The following MYO5A variants were observed in gnomAD, a reference collection of about 807,000 sequenced individuals.
MYO5A encodes the protein unconventional myosin-Va.
In MYO5A, 98 loss-of-function variants were observed where a neutral mutation model predicts 249.7. The ratio of observed to expected loss-of-function variants is 0.39; its 90% confidence interval spans 0.33 to 0.46. MYO5A has a LOEUF of 0.46. Ranked by LOEUF, MYO5A falls within the 20% of genes least tolerant of loss-of-function variation. The pLI, the probability that MYO5A is intolerant of heterozygous loss-of-function variation, is 0.98. For synonymous variants in MYO5A, 778 were observed against 810.6 expected, an observed-to-expected ratio of 0.96 and a Z score of 0.68; for missense variants, 1,696 against 2,308.8, an observed-to-expected ratio of 0.73 and a Z score of 5.44.
chr15:52,405,623 C>T (rs1357150739), intron 8 of MYO5A, among the ~76,000 whole-genome samples: 1 of 152,168 alleles, frequency 6.6e-6, no homozygotes, highest in Non-Finnish European at 1.5e-5. Flanking sequence ...TGGCTTGAGA[C>T]CTGGCTCTGC....
At chr15:52,426,007 G>T in intron 3 of MYO5A, 33 bp from the exon 4 acceptor site, 2 of 1,590,582 alleles carry the variant, frequency 1.3e-6, no homozygotes, top group Non-Finnish European at 1.7e-6. Context: ...GAAAGAAAAA[G>T]AAGTCAATGA....
chr15:52,352,169 T>A (rs936044738), intron 27 of MYO5A, among the ~76,000 whole-genome samples: 3 of 152,184 alleles, frequency 2.0e-5, no homozygotes, highest in Non-Finnish European at 4.4e-5. Context: ...CACATCCTCA[T>A]CCCTCCAATA....
rs538964964 is a variant in MYO5A, at chr15:52,451,454, T to C, written c.28-18169A>G. On this transcript the variant is annotated intron_variant, in intron 1 of 41. Coordinates refer to ENST00000399233, the MANE Select transcript of MYO5A (RefSeq NM_001382347.1). ...TGAAATGGAAAAACAGGATGAAAAATGGAAAAATGATGTTTCATCTTTGCT... is the reference window on the plus strand; with the variant it reads ...TGAAATGGAAAAACAGGATGAAAAACGGAAAAATGATGTTTCATCTTTGCT... Among the ~76,000 whole-genome samples the C allele has an allele frequency of 2.0e-5, 3 of 152,272 alleles. No individual in the cohort carries two copies. In the South Asian group the frequency reaches 6.2e-4, roughly 32 times the overall value.
At chr15:52,436,970 T>C (rs1413768633) in intron 1 of MYO5A, among the ~76,000 whole-genome samples, 1 of 152,242 alleles carries the variant, frequency 6.6e-6, no homozygotes, top group African/African-American at 2.4e-5. Context: ...TCTTCTAGTT[T>C]ATTGCAAAGG....
intron 16 of MYO5A, among the ~76,000 whole-genome samples, chr15:52,382,436 T>C (rs2041794221): frequency 6.6e-6 from 1 of 152,016 alleles, no homozygotes; most frequent in South Asian, 2.1e-4. Flanking sequence ...TTGGGCATGA[T>C]GGTGCATGCC....
At chr15:52,389,651 T>C (rs952227637) in intron 12 of MYO5A, among the ~76,000 whole-genome samples, 1 of 152,082 alleles carries the variant, frequency 6.6e-6, no homozygotes, top group Admixed American at 6.6e-5. Context: ...GTTGTTGCTG[T>C]TTTTTAAAAA....
In MYO5A at chr15:52,372,266, A is replaced by G; in HGVS notation, c.2675T>C (p.Leu892Pro). Residue 892 changes from leucine (L) to proline (P), a missense_variant, in exon 21 of 42, where the codon CTT becomes CCT. Physicochemically the swap from Leu to Pro is moderately conservative, Grantham distance 98. Transcript: ENST00000399233. ...YKRSMHAIIY[L>P]QCCFRRMMAK... ...CATCATCCGCCTGAAGCAGCACTGAAGGTAGATGATGGCATGCATGCTCCT... is the reference window on the plus strand; with the variant it reads ...CATCATCCGCCTGAAGCAGCACTGAGGGTAGATGATGGCATGCATGCTCCT... The G allele has an allele frequency of 6.2e-7, 1 of 1,612,088 alleles. No individual in the cohort carries two copies. Among genetic ancestry groups the G allele is most frequent in the Non-Finnish European group, 8.5e-7 (1 of 1,180,018 alleles).
chr15:52,513,444 G>A (rs1299265524), intron 1 of MYO5A, among the ~76,000 whole-genome samples: 2 of 134,700 alleles, frequency 1.5e-5, no homozygotes, highest in Non-Finnish European at 1.6e-5. Context: ...AAAAAAAAAA[G>A]GCATAGTTTT....
chr15:52,385,178 G>A (rs1370463314), intron 14 of MYO5A, among the ~76,000 whole-genome samples: 1 of 152,166 alleles, frequency 6.6e-6, no homozygotes, highest in African/African-American at 2.4e-5. Context: ...CTTTACAACA[G>A]TGCCACATCC....
chr15:52,351,366 C>T lies in MYO5A; in HGVS notation c.3737G>A (p.Arg1246His), dbSNP rs772201102. Residue 1246 changes from arginine to histidine, a missense_variant, in exon 28 of 42, where the codon CGT becomes CAT. Transcript: ENST00000399233. ...AGAGGTCAGCTGCTCCATGAGGACA[C>T]GGTAGGCAGGTGCACCTGGGGCGGT... ...EVTAPGAPAY[R>H]VLMEQLTSVS... 2.3e-5 allele frequency: 37 copies of T among 1,614,036 alleles called. No individual in the cohort carries two copies. The highest frequency in any genetic ancestry group is 1.2e-4 in the African/African-American group (9 of 74,918).
intron 1 of MYO5A, among the ~76,000 whole-genome samples, chr15:52,448,368 G>T (rs183694796): frequency 7.9e-5 from 12 of 152,332 alleles, no homozygotes; most frequent in Non-Finnish European, 1.2e-4. Flanking sequence ...CTCCCATTTG[G>T]AAAGGGAGTA....
chr15:52,313,682 C>T lies in MYO5A; in HGVS notation c.*14G>A, dbSNP rs377088031. On this transcript the variant is annotated 3_prime_UTR_variant, in exon 42 of 42. Transcript: ENST00000399233. Reference sequence around the variant, plus strand: ...GCAAGAAATGTATTGTCAATTTTTGCCTGGACATCACTTTCAGACCCGTGA... The same window carrying T: ...GCAAGAAATGTATTGTCAATTTTTGTCTGGACATCACTTTCAGACCCGTGA... The T allele has an allele frequency of 1.9e-6, 3 of 1,613,844 alleles. No individual in the cohort carries two copies. In the African/African-American group the frequency reaches 4.0e-5, roughly 22 times the overall value.
chr15:52,466,767 G>T (rs985104885), intron 1 of MYO5A, among the ~76,000 whole-genome samples: 6 of 152,148 alleles, frequency 3.9e-5, no homozygotes, highest in Non-Finnish European at 8.8e-5. Flanking sequence ...TCCAAGATAG[G>T]GTGCAGGATC....
chr15:52,486,290 C>A (rs1293724372), intron 1 of MYO5A, among the ~76,000 whole-genome samples: 2 of 152,166 alleles, frequency 1.3e-5, no homozygotes, highest in Admixed American at 6.6e-5. Flanking sequence ...ATAGCCCTAT[C>A]GCTGAGCATT....
intron 34 of MYO5A, chr15:52,331,765 C>G (rs750671596): frequency 4.1e-6 from 4 of 985,324 alleles, no homozygotes; most frequent in Non-Finnish European, 4.8e-6. Context: ...GCTGCAGCAG[C>G]ACACACTGGG....
intron 1 of MYO5A, among the ~76,000 whole-genome samples, chr15:52,499,691 T>C (rs1209931722): frequency 6.6e-6 from 1 of 152,240 alleles, no homozygotes; most frequent in Non-Finnish European, 1.5e-5. Context: ...TGAATAATGT[T>C]CCATTGTATA....
At position 52,397,434 on chromosome 15, in the gene MYO5A, T is replaced by G. The variant is rs1724577; in HGVS notation, c.1086A>C (p.Glu362Asp). ...TCTCCTCATAGTCCACACCCATGAG[T>G]TCACAGAAGATGCAGAGAGGTTCAT... ...PKHEPLCIFC[E>D]LMGVDYEEMC... The change falls in exon 10 of 42, where the codon GAA becomes GAC. Residue 362 changes from glutamate to aspartate, a missense_variant. Coordinates refer to ENST00000399233, the MANE Select transcript of MYO5A (RefSeq NM_001382347.1). The G allele has an allele frequency of 0.98, 1,580,272 of 1,613,964 alleles. 776,736 individuals are homozygous for G. The highest frequency in any genetic ancestry group is 1 in the Non-Finnish European group (1,176,892 of 1,179,940).
At chr15:52,446,152 C>G (rs116981248) in intron 1 of MYO5A, among the ~76,000 whole-genome samples, 3,583 of 152,328 alleles carry the variant, frequency 0.024, 65 homozygotes, top group Middle Eastern at 0.048. Flanking sequence ...CCAGCAGCCC[C>G]TCCCACCACA....
At chr15:52,478,683 G>C (rs2076650596) in intron 1 of MYO5A, among the ~76,000 whole-genome samples, 1 of 152,132 alleles carries the variant, frequency 6.6e-6, no homozygotes. Context: ...CAGGTTTACT[G>C]TATTGCACTA....
Sources: gnomAD v4.1 joint callset for allele counts (sites outside exome capture counted in the v4.1 genomes callset) on GRCh38, gnomAD v4.1.1 for gene constraint, MANE v1.5 for transcripts, NCBI Gene and HGNC (gene_info 2026-07-23, HGNC 2026-07-21) for gene names.